Variants in RIMS1 observed in about 807,000 individuals in gnomAD.
RIMS1 encodes regulating synaptic membrane exocytosis 1, also known as regulating synaptic membrane exocytosis protein 1.
RIMS1 carries 83 observed loss-of-function variants against 214.1 expected under a neutral mutation model. The observed-to-expected ratio is 0.39, with a 90% CI of 0.32 to 0.47. The LOEUF (loss-of-function observed/expected upper bound fraction) is 0.47, where lower values mean the gene tolerates loss of function less well. Among genes scored for constraint, RIMS1 ranks in the 20% least tolerant of loss-of-function variants. The probability of loss-of-function intolerance (pLI) is 0.99; values close to 1 mark genes in which losing one functional copy is unlikely to be tolerated. For missense variants in RIMS1, 2,050 were observed against 2,161.8 expected, an observed-to-expected ratio of 0.95 and a Z score of 1.03; for synonymous variants, 793 against 786.8, an observed-to-expected ratio of 1.01 and a Z score of -0.13.
At chr6:72,101,234 T>C (rs2033503762) in intron 4 of RIMS1, among the ~76,000 whole-genome samples, 1 of 151,966 alleles carries the variant, frequency 6.6e-6, no homozygotes, top group Non-Finnish European at 1.5e-5. Context: ...TTGTTATGAT[T>C]ATAGTGTAAT....
intron 1 of RIMS1, among the ~76,000 whole-genome samples, chr6:71,911,698 C>A (rs1217394953): frequency 2.0e-5 from 3 of 152,122 alleles, no homozygotes; most frequent in Non-Finnish European, 4.4e-5. Flanking sequence ...GTTTTGAGAT[C>A]TTTGCTTAAC....
intron 6 of RIMS1, among the ~76,000 whole-genome samples, chr6:72,191,711 C>A (rs2050101157): frequency 6.6e-6 from 1 of 152,176 alleles, no homozygotes; most frequent in African/African-American, 2.4e-5. Flanking sequence ...ATACCAAGTA[C>A]CAGGAGATGT....
intron 6 of RIMS1, among the ~76,000 whole-genome samples, chr6:72,200,857 T>TTGTGTGTGTGTG (rs70994114): frequency 2.1e-3 from 304 of 146,248 alleles, no homozygotes; most frequent in African/African-American, 6.8e-3. Context: ...AAGGACACAA[T>TTGTGTGTGTGTG]TGTGTGTGTG....
At chr6:72,284,563 G>T (rs1034683290) in intron 24 of RIMS1, among the ~76,000 whole-genome samples, 9 of 151,860 alleles carry the variant, frequency 5.9e-5, no homozygotes, top group African/African-American at 2.2e-4. Context: ...TATTCTACTG[G>T]TATATTATAA....
intron 16 of RIMS1, among the ~76,000 whole-genome samples, chr6:72,256,709 A>G (rs980319193): frequency 6.7e-6 from 1 of 150,326 alleles, no homozygotes; most frequent in African/African-American, 2.5e-5. Context: ...ACAATGAGCT[A>G]TGTATTAATA....
intron 28 of RIMS1, among the ~76,000 whole-genome samples, chr6:72,328,521 A>G (rs530041468): frequency 1.3e-5 from 2 of 151,946 alleles, no homozygotes; most frequent in South Asian, 4.1e-4. Flanking sequence ...ATGAAATCAA[A>G]AATTAAAACT....
chr6:72,402,253 A>C lies in RIMS1; in HGVS notation c.*1539A>C, dbSNP rs2098839449. The C allele has an allele frequency of 6.6e-6, 1 of 152,668 alleles. No homozygotes were observed. The highest frequency in any genetic ancestry group is 2.4e-5 in the African/African-American group (1 of 41,468). 9.5% of individuals were successfully genotyped at this position (152,668 alleles called of 1,614,324 possible). On this transcript the variant is annotated 3_prime_UTR_variant, in exon 34 of 34. Transcript: ENST00000521978. ...GCTTGTATGTTGCATGTACTTGTAC[A>C]GTTTGCTTGTTAATTACTATACCGA...
intron 4 of RIMS1, among the ~76,000 whole-genome samples, chr6:72,153,782 A>T (rs2044054480): frequency 6.6e-6 from 1 of 152,178 alleles, no homozygotes; most frequent in African/African-American, 2.4e-5. Context: ...GTATCTTCTT[A>T]AATATTTTGA....
chr6:72,178,475 A>C (rs543265759), intron 4 of RIMS1, among the ~76,000 whole-genome samples: 1 of 152,150 alleles, frequency 6.6e-6, no homozygotes, highest in Non-Finnish European at 1.5e-5. Context: ...TCCTGATGCA[A>C]TATTTTTGAG....
intron 2 of RIMS1, among the ~76,000 whole-genome samples, chr6:72,026,824 C>T (rs142463505): frequency 5.0e-4 from 76 of 152,228 alleles, no homozygotes; most frequent in African/African-American, 1.8e-3. Context: ...CATATCTCTT[C>T]AAAAAGCTTT....
At chr6:72,201,963 A>T (rs1406069735) in intron 6 of RIMS1, among the ~76,000 whole-genome samples, 1 of 152,174 alleles carries the variant, frequency 6.6e-6, no homozygotes, top group Non-Finnish European at 1.5e-5. Context: ...GGAAATCCAG[A>T]TACTACCTTC....
intron 29 of RIMS1, among the ~76,000 whole-genome samples, chr6:72,373,208 C>T (rs1169501930): frequency 6.6e-6 from 1 of 152,114 alleles, no homozygotes; most frequent in Non-Finnish European, 1.5e-5. Context: ...TTTAACCCAC[C>T]GATAATTTGA....
At chr6:72,086,347 G>C (rs1164388217) in intron 2 of RIMS1, among the ~76,000 whole-genome samples, 1 of 152,094 alleles carries the variant, frequency 6.6e-6, no homozygotes, top group Non-Finnish European at 1.5e-5. Context: ...ATTTAGATTA[G>C]TAAAGTATTG....
At chr6:72,117,126 C>A (rs1046970310) in intron 4 of RIMS1, among the ~76,000 whole-genome samples, 2 of 151,858 alleles carry the variant, frequency 1.3e-5, no homozygotes, top group African/African-American at 4.8e-5. Context: ...TTCTGAGGTG[C>A]TTGTTTAAAG....
At chr6:71,927,734 A>T (rs1781946358) in intron 1 of RIMS1, among the ~76,000 whole-genome samples, 1 of 152,106 alleles carries the variant, frequency 6.6e-6, no homozygotes, top group Non-Finnish European at 1.5e-5. Flanking sequence ...CTTTATCATT[A>T]CTTTGAAAAA....
chr6:72,387,102 A>G (rs1394359789), intron 29 of RIMS1, among the ~76,000 whole-genome samples: 1 of 152,076 alleles, frequency 6.6e-6, no homozygotes, highest in African/African-American at 2.4e-5. Flanking sequence ...GAAATTTCTC[A>G]TCCATCCATA....
intron 2 of RIMS1, among the ~76,000 whole-genome samples, chr6:72,096,689 A>G (rs2031834597): frequency 6.6e-6 from 1 of 152,210 alleles, no homozygotes; most frequent in African/African-American, 2.4e-5. Context: ...CTCAAATTTC[A>G]TTGCTGGCGA....
chr6:72,141,025 A>C (rs775942051), intron 4 of RIMS1, among the ~76,000 whole-genome samples: 1 of 151,982 alleles, frequency 6.6e-6, no homozygotes, highest in Non-Finnish European at 1.5e-5. Context: ...CCAGTTGATG[A>C]GTAGTAGGTT....
At chr6:72,084,824 T>C (rs1025481320) in intron 2 of RIMS1, among the ~76,000 whole-genome samples, 1 of 152,158 alleles carries the variant, frequency 6.6e-6, no homozygotes, top group African/African-American at 2.4e-5. Flanking sequence ...TTCAGAACAC[T>C]GTGGGATGCT....
Sources: allele counts gnomAD v4.1 joint callset (sites outside exome capture counted in the v4.1 genomes callset), GRCh38; gene constraint gnomAD v4.1.1; transcripts MANE v1.5; gene names NCBI Gene and HGNC (gene_info 2026-07-23, HGNC 2026-07-21).